Variants in SPAG1 observed in about 807,000 individuals in gnomAD.
The protein encoded by SPAG1 is sperm associated antigen 1.
In SPAG1, 69 loss-of-function variants were observed where a neutral mutation model predicts 100.5. The observed-to-expected ratio is 0.69, with a 90% CI of 0.57 to 0.84. SPAG1 has a LOEUF of 0.84. Ranked by LOEUF, SPAG1 falls within the 40% of genes least tolerant of loss-of-function variation. The probability of loss-of-function intolerance (pLI) is 0.00; values close to 1 mark genes in which losing one functional copy is unlikely to be tolerated. For missense variants in SPAG1, 955 were observed against 1,133.1 expected (o/e 0.84, Z 2.26); for synonymous variants, 336 against 411.6 (o/e 0.82, Z 2.22).
At chr8:100,201,629 C>T (rs1303005810) in intron 10 of SPAG1, among the ~76,000 whole-genome samples, 2 of 152,152 alleles carry the variant, frequency 1.3e-5, no homozygotes, top group Non-Finnish European at 2.9e-5. Flanking sequence ...AGACTTTTGT[C>T]ATAATGCTGG....
At chr8:100,202,967 C>T (rs1035799989) in intron 10 of SPAG1, among the ~76,000 whole-genome samples, 4 of 152,294 alleles carry the variant, frequency 2.6e-5, no homozygotes, top group African/African-American at 9.6e-5. Context: ...TACCACTGCA[C>T]TCCAGCCTTG....
At chr8:100,188,247 T>G (rs181412638) in intron 8 of SPAG1, among the ~76,000 whole-genome samples, 1 of 151,706 alleles carries the variant, frequency 6.6e-6, no homozygotes, top group Non-Finnish European at 1.5e-5. Context: ...CACTTCCCAG[T>G]CTCAAGTGAT....
chr8:100,217,720 A>G (rs1300979611), intron 12 of SPAG1, among the ~76,000 whole-genome samples: 1 of 152,190 alleles, frequency 6.6e-6, no homozygotes, highest in Non-Finnish European at 1.5e-5. Flanking sequence ...TCCATTGAGG[A>G]CATTTCAACA....
chr8:100,218,951 G>C (rs1301078392), intron 12 of SPAG1, among the ~76,000 whole-genome samples: 1 of 152,232 alleles, frequency 6.6e-6, no homozygotes, highest in Non-Finnish European at 1.5e-5. Flanking sequence ...CATGACCCAG[G>C]TGATCTAGGA....
chr8:100,169,012 C>A lies in SPAG1; in HGVS notation c.300+3039C>A, dbSNP rs931518465. Among the ~76,000 whole-genome samples the A allele has an allele frequency of 3.3e-5, 5 of 151,832 alleles. No individual in the cohort carries two copies. The East Asian group carries it at 9.7e-4, about 29-fold the overall frequency. Reference sequence around the variant, plus strand: ...TCTTTTCATTTTTTTTTAACAGTATCTTTGGAAGAGTGAAAGTTTTAACTT... The same window carrying A: ...TCTTTTCATTTTTTTTTAACAGTATATTTGGAAGAGTGAAAGTTTTAACTT... On this transcript the variant is annotated intron_variant, in intron 3 of 18. Coordinates refer to ENST00000388798, the MANE Select transcript of SPAG1 (RefSeq NM_003114.5).
intron 10 of SPAG1, among the ~76,000 whole-genome samples, chr8:100,198,848 T>G (rs1249935340): frequency 6.6e-6 from 1 of 152,240 alleles, no homozygotes; most frequent in Non-Finnish European, 1.5e-5. Flanking sequence ...TGGATTTGCC[T>G]ATCTTGAGTA....
rs1245594927 is a variant in SPAG1 at position 100,200,778 on chromosome 8, AC to A, written c.1096+6511del. Reference sequence around the variant, plus strand: ...AAGTGTCTGTTCATATCCTTTGCCCACTTTTTGATGGGGTTGTTTGTTTTTT... The same window carrying A: ...AAGTGTCTGTTCATATCCTTTGCCCATTTTTGATGGGGTTGTTTGTTTTTT... On this transcript the variant is annotated intron_variant, in intron 10 of 18. Coordinates refer to ENST00000388798, the MANE Select transcript of SPAG1 (RefSeq NM_003114.5). 2.1e-5 allele frequency among the ~76,000 whole-genome samples: 3 copies of A among 143,094 alleles called. No individual in the cohort carries two copies. The East Asian group carries it at 6.7e-4, about 32-fold the overall frequency. The allele number at this position is 143,094 out of a possible 152,430, so 93.9% of individuals were successfully genotyped here. A position where few individuals can be genotyped will look rare whatever the true frequency, so the allele number is the denominator to read the frequency against.
At position 100,239,479 on chromosome 8, in the gene SPAG1, A is replaced by C. The variant is rs191380431; in HGVS notation, c.2280+75A>C. 16 of 947,948 alleles carry C rather than the reference A, an allele frequency of 1.7e-5. No individual in the cohort carries two copies. The Admixed American group carries it at 2.5e-4, about 15-fold the overall frequency. The allele number at this position is 947,948 out of a possible 1,614,324, so 58.7% of individuals were successfully genotyped here. On this transcript the variant is annotated intron_variant, in intron 17 of 18. Coordinates refer to ENST00000388798, the MANE Select transcript of SPAG1 (RefSeq NM_003114.5). The surrounding 1 kb of genome is among the most constrained non-coding windows in gnomAD (Gnocchi z 5.0). ...TGGATTCTAAGGTCATATTCCTGTG[A>C]GTTCTAAAACATTTTTAATTTTGTG...
intron 12 of SPAG1, among the ~76,000 whole-genome samples, chr8:100,218,104 T>C (rs548212513): frequency 6.6e-6 from 1 of 152,338 alleles, no homozygotes; most frequent in South Asian, 2.1e-4. Context: ...TTCTCTGCTT[T>C]TTCTTATCTT....
At chr8:100,209,596 G>A (rs1817638952) in intron 10 of SPAG1, among the ~76,000 whole-genome samples, 1 of 148,534 alleles carries the variant, frequency 6.7e-6, no homozygotes, top group South Asian at 2.1e-4. Flanking sequence ...ATTGCTTTGA[G>A]TAGTATTAAC....
intron 3 of SPAG1, among the ~76,000 whole-genome samples, chr8:100,175,528 C>T (rs1816076535): frequency 1.3e-5 from 2 of 152,060 alleles, no homozygotes; most frequent in South Asian, 4.2e-4. Flanking sequence ...CCTCGTGATC[C>T]GTCTGCCTCA....
Position 100,227,841 on chromosome 8 carries a change from AT to A in SPAG1, c.1855+2525del, listed in dbSNP as rs34049816. On this transcript the variant is annotated intron_variant, in intron 14 of 18. Transcript: ENST00000388798. The stretch of plus-strand genomic sequence containing the variant: ...GTACCATTTGACCCTATTGTGTCAG[AT>A]TTTTTTTTTTTTTTTTTTTTTTGAG... Among the ~76,000 whole-genome samples the A allele has an allele frequency of 3.5e-3, 366 of 103,754 alleles. 1 individual carries two copies. Among genetic ancestry groups the A allele is most frequent in the South Asian group, 0.024 (73 of 3,104 alleles). The allele number at this position is 103,754 out of a possible 152,430, so 68.1% of individuals were successfully genotyped here. A position where few individuals can be genotyped will look rare whatever the true frequency, so the allele number is the denominator to read the frequency against.
chr8:100,201,400 C>T (rs1817270680), intron 10 of SPAG1, among the ~76,000 whole-genome samples: 1 of 152,130 alleles, frequency 6.6e-6, no homozygotes, highest in Non-Finnish European at 1.5e-5. Flanking sequence ...GCTGGGATTA[C>T]AGGCATGAGC....
intron 3 of SPAG1, among the ~76,000 whole-genome samples, chr8:100,171,674 AC>A (rs2132220353): frequency 6.6e-6 from 1 of 152,238 alleles, no homozygotes. Context: ...CTGTCTGGGT[AC>A]TTTTCCTGTG....
chr8:100,167,512 C>T (rs1435912079), intron 3 of SPAG1, among the ~76,000 whole-genome samples: 1 of 152,174 alleles, frequency 6.6e-6, no homozygotes, highest in Non-Finnish European at 1.5e-5. Flanking sequence ...GTATTGTACT[C>T]ACCTATTTTT....
chr8:100,192,697 G>A (rs1463185299), intron 9 of SPAG1, among the ~76,000 whole-genome samples: 1 of 152,098 alleles, frequency 6.6e-6, no homozygotes, highest in Non-Finnish European at 1.5e-5. Context: ...TTAGGTTTAG[G>A]GCCTGGCTTA....
chr8:100,239,278 C>T lies in SPAG1; in HGVS notation c.2154C>T (p.Ile718=). 6.6e-7 allele frequency: 1 copy of T among 1,525,970 alleles called. No individual in the cohort carries two copies. The highest frequency in any genetic ancestry group is 1.3e-5 in the South Asian group (1 of 78,970). 94.5% of individuals were successfully genotyped at this position (1,525,970 alleles called of 1,614,324 possible). A position where few individuals can be genotyped will look rare whatever the true frequency, so the allele number is the denominator to read the frequency against. ...QKSLIDLNKV[I]LLDPSIIEAK... is the part of the protein sequence containing the mutation. ...GCTTAATTGATCTCAATAAAGTTAT[C>T]CTACTAGATCCAAGTATTATTGAGG... Residue 718 remains isoleucine (I), a synonymous_variant, in exon 17 of 19, where the codon ATC becomes ATT. Transcript: ENST00000388798. The surrounding 1 kb of genome is among the most constrained non-coding windows in gnomAD (Gnocchi z 5.0).
At chr8:100,187,935 C>T (rs1017349182) in intron 8 of SPAG1, among the ~76,000 whole-genome samples, 16 of 152,130 alleles carry the variant, frequency 1.1e-4, no homozygotes, top group African/African-American at 3.9e-4. Context: ...TCACTGCAAC[C>T]TCTGCCTCCT....
chr8:100,162,867 G>A (rs1198702594), intron 2 of SPAG1, among the ~76,000 whole-genome samples: 1 of 152,178 alleles, frequency 6.6e-6, no homozygotes, highest in African/African-American at 2.4e-5. Context: ...AGAAGGCTGA[G>A]GTGGGAGGAT....
Sources: gnomAD v4.1 joint callset for allele counts (sites outside exome capture counted in the v4.1 genomes callset) on GRCh38, gnomAD v4.1.1 for gene constraint, Gnocchi (gnomAD v3.1) non-coding constraint, MANE v1.5 for transcripts, NCBI Gene and HGNC (gene_info 2026-07-23, HGNC 2026-07-21) for gene names.